SCAPER: variants seen among roughly 807,000 people sequenced by gnomAD.
SCAPER encodes S-phase cyclin A associated protein in the ER.
A neutral mutation model predicts 182.2 loss-of-function variants in SCAPER; 98 were observed. The ratio of observed to expected loss-of-function variants is 0.54; its 90% CI spans 0.46 to 0.64. The LOEUF (loss-of-function observed/expected upper bound fraction) is 0.64. SCAPER is among the 30% of genes least tolerant of loss of function. The pLI, the probability that SCAPER is intolerant of heterozygous loss-of-function variation, is 0.00. For synonymous variants in SCAPER, 605 were observed against 564.6 expected (o/e 1.07, Z -1.01); for missense variants, 1,432 against 1,690.0 (o/e 0.85, Z 2.68).
At chr15:76,372,276 T>C (rs769583501) in intron 29 of SCAPER, among the ~76,000 whole-genome samples, 1 of 152,234 alleles carries the variant, frequency 6.6e-6, no homozygotes, top group Non-Finnish European at 1.5e-5. Flanking sequence ...CTTCTCCAAC[T>C]GACAAGTGAC....
At chr15:76,830,887 A>T (rs2068410630) in intron 5 of SCAPER, among the ~76,000 whole-genome samples, 1 of 151,934 alleles carries the variant, frequency 6.6e-6, no homozygotes, top group Non-Finnish European at 1.5e-5. Flanking sequence ...CTGGGGCTGA[A>T]GGGGAAGGAA....
chr15:76,511,829 TTATATA>T (rs144159437), intron 23 of SCAPER, among the ~76,000 whole-genome samples: 1 of 136,836 alleles, frequency 7.3e-6, no homozygotes, highest in Non-Finnish European at 1.5e-5. Context: ...GATACACTTA[TTATATA>T]TATATATATG....
chr15:76,620,312 T>TC (rs1313523440), intron 22 of SCAPER, among the ~76,000 whole-genome samples: 4 of 152,146 alleles, frequency 2.6e-5, no homozygotes, highest in Non-Finnish European at 5.9e-5. Flanking sequence ...TAGCATAAGG[T>TC]AATGGCTCAG....
At chr15:76,654,394 C>G (rs537659957) in intron 21 of SCAPER, among the ~76,000 whole-genome samples, 1 of 152,020 alleles carries the variant, frequency 6.6e-6, no homozygotes, top group African/African-American at 2.4e-5. Flanking sequence ...GGTGACAGAG[C>G]GAGACTCCGT....
chr15:76,377,259 T>C (rs1295375234), intron 28 of SCAPER, among the ~76,000 whole-genome samples: 2 of 152,162 alleles, frequency 1.3e-5, no homozygotes, highest in East Asian at 3.8e-4. Context: ...TGAAACAAAA[T>C]TACTGCTAAA....
chr15:76,743,819 C>A (rs1423658154), intron 15 of SCAPER, among the ~76,000 whole-genome samples: 2 of 152,048 alleles, frequency 1.3e-5, no homozygotes, highest in Non-Finnish European at 2.9e-5. Flanking sequence ...CAAAAAAGTG[C>A]CCCAATAGCC....
At chr15:76,414,193 C>T (rs2045493160) in intron 26 of SCAPER, among the ~76,000 whole-genome samples, 1 of 152,082 alleles carries the variant, frequency 6.6e-6, no homozygotes, top group Admixed American at 6.6e-5. Context: ...GGCAAGTATT[C>T]CCTCCTCTCC....
intron 11 of SCAPER, among the ~76,000 whole-genome samples, chr15:76,766,080 CATTTATTTATTT>C (rs35954470): frequency 4.0e-5 from 6 of 148,382 alleles, no homozygotes; most frequent in Non-Finnish European, 6.0e-5. Context: ...ATCATTTGCT[CATTTATTTATTT>C]ATTTATTTAT....
chr15:76,621,699 T>C (rs2052075887), intron 22 of SCAPER, 65 bp downstream of exon 22: 2 of 1,268,304 alleles, frequency 1.6e-6, no homozygotes, highest in Non-Finnish European at 2.2e-6. Context: ...AACATGATGG[T>C]TGAGATACAC....
chr15:76,534,421 C>T (rs16968349), intron 23 of SCAPER, among the ~76,000 whole-genome samples: 7,057 of 152,154 alleles, frequency 0.046, 493 homozygotes, highest in African/African-American at 0.15. Flanking sequence ...GATACGGTCA[C>T]AATTTAGTTG....
rs1161863853 is a variant in SCAPER at position 76,722,463 on chromosome 15, C to T, written c.2165+6132G>A. On this transcript the variant is annotated intron_variant, in intron 17 of 31. Transcript: ENST00000563290. Reference sequence around the variant, plus strand: ...TCATAAAATGAGTTAGAGAGGATTCCCTCTTTTTCTATTGATTGCAATAGT... The same window carrying T: ...TCATAAAATGAGTTAGAGAGGATTCTCTCTTTTTCTATTGATTGCAATAGT... 2.6e-5 allele frequency among the ~76,000 whole-genome samples: 4 copies of T among 152,094 alleles called. No homozygotes were observed. The East Asian group carries it at 5.8e-4, about 22-fold the overall frequency.
At chr15:76,813,810 A>C (rs938950681) in intron 5 of SCAPER, among the ~76,000 whole-genome samples, 5 of 152,202 alleles carry the variant, frequency 3.3e-5, no homozygotes, top group Non-Finnish European at 5.9e-5. Flanking sequence ...AAAGAAACTG[A>C]AGCAGATGCA....
At chr15:76,640,045 CA>C (rs2053975245) in intron 21 of SCAPER, among the ~76,000 whole-genome samples, 1 of 152,144 alleles carries the variant, frequency 6.6e-6, no homozygotes, top group African/African-American at 2.4e-5. Flanking sequence ...AAAAAATTCT[CA>C]AAAGGAGTAA....
intron 8 of SCAPER, chr15:76,793,209 T>C: frequency 8.6e-7 from 1 of 1,158,950 alleles, no homozygotes; most frequent in Non-Finnish European, 1.3e-6. Context: ...GCTACTGTTA[T>C]TATATATTAC....
chr15:76,816,033 G>A (rs550622380), intron 5 of SCAPER, among the ~76,000 whole-genome samples: 68 of 152,238 alleles, frequency 4.5e-4, no homozygotes, highest in African/African-American at 1.5e-3. Flanking sequence ...ACCATGAATG[G>A]AGTTTACAGG....
intron 2 of SCAPER, among the ~76,000 whole-genome samples, chr15:76,880,182 T>A (rs760296915): frequency 6.6e-6 from 1 of 152,228 alleles, no homozygotes; most frequent in Non-Finnish European, 1.5e-5. Flanking sequence ...AGAAACTTAC[T>A]CTTTTCTTGA....
chr15:76,619,138 C>A (rs917263047), intron 22 of SCAPER, among the ~76,000 whole-genome samples: 1 of 152,208 alleles, frequency 6.6e-6, no homozygotes, highest in Non-Finnish European at 1.5e-5. Flanking sequence ...AGCTACCGCA[C>A]CCAGCCGTGT....
chr15:76,755,137 T>G (rs535983918), intron 14 of SCAPER, among the ~76,000 whole-genome samples: 1 of 152,292 alleles, frequency 6.6e-6, no homozygotes, highest in South Asian at 2.1e-4. Flanking sequence ...TACACTATAA[T>G]TTTGCTGGCA....
rs527446550 is a variant in SCAPER at position 76,698,255 on chromosome 15, C to T, written c.2508+3503G>A. ...ATTTACGAAGGTGAAATTGAGAGTT[C>T]TACTCCCATGATACCTTCGAGCCAC... On this transcript the variant is annotated intron_variant, in intron 20 of 31. Coordinates refer to ENST00000563290, the MANE Select transcript of SCAPER (RefSeq NM_020843.4). Among the ~76,000 whole-genome samples, 46 of 151,936 alleles carry T rather than the reference C, an allele frequency of 3.0e-4. No individual in the cohort carries two copies. The South Asian group carries it at 9.6e-3, about 32-fold the overall frequency.
Sources: gnomAD v4.1 joint callset for allele counts (sites outside exome capture counted in the v4.1 genomes callset) on GRCh38, gnomAD v4.1.1 for gene constraint, MANE v1.5 for transcripts, NCBI Gene and HGNC (gene_info 2026-07-23, HGNC 2026-07-21) for gene names.